Variants in STK3 observed in about 807,000 individuals in gnomAD.
The protein encoded by STK3 is serine/threonine-protein kinase 3.
In STK3, 41 loss-of-function variants were observed where a neutral mutation model predicts 58.0. That is an observed-to-expected ratio of 0.71 (90% confidence interval 0.55 to 0.92). The LOEUF is 0.92. STK3 is among the 40% of genes least tolerant of loss of function. The pLI, the probability that STK3 is intolerant of heterozygous loss-of-function variation, is 0.00. For synonymous variants in STK3, 170 were observed against 191.0 expected, an observed-to-expected ratio of 0.89 and a Z score of 0.91; for missense variants, 479 against 602.7, an observed-to-expected ratio of 0.79 and a Z score of 2.15.
At chr8:98,763,637 A>G (rs1460257953) in intron 3 of STK3, among the ~76,000 whole-genome samples, 1 of 151,854 alleles carries the variant, frequency 6.6e-6, no homozygotes, top group Admixed American at 6.6e-5. Context: ...CTAAAATCTA[A>G]GTTTCTCCCT....
chr8:98,908,911 T>C (rs1028770310), intron 1 of STK3, among the ~76,000 whole-genome samples: 2 of 148,186 alleles, frequency 1.3e-5, no homozygotes, highest in African/African-American at 5.0e-5. Flanking sequence ...ATCCCAGCAC[T>C]TTGGGAGGCC....
At chr8:98,607,284 T>A (rs1816851784) in intron 6 of STK3, among the ~76,000 whole-genome samples, 1 of 152,230 alleles carries the variant, frequency 6.6e-6, no homozygotes, top group Non-Finnish European at 1.5e-5. Context: ...TTCAGGGATC[T>A]ACCAAGTCAA....
rs746927358 is a variant in STK3 at position 98,469,252 on chromosome 8, CGG to C, written c.1318-13254_1318-13253del. Among the ~76,000 whole-genome samples, 134 of 97,380 alleles carry C rather than the reference CGG, an allele frequency of 1.4e-3. 2 individuals are homozygous for C. The highest frequency in any genetic ancestry group is 3.3e-3 in the Admixed American group (24 of 7,170). The allele number at this position is 97,380 out of a possible 152,430, so 63.9% of individuals were successfully genotyped here. On this transcript the variant is annotated intron_variant, in intron 10 of 10. Transcript: ENST00000419617. ...AATGGTCCAAAAAGGCTTTTCTTTG[CGG>C]GGGCGGGGGGGCGGTCTGAGAATGG...
Position 98,799,756 on chromosome 8 carries a change from G to A in STK3, c.27-24937C>T, listed in dbSNP as rs777932268. On this transcript the variant is annotated intron_variant, in intron 1 of 10. Transcript: ENST00000419617. ...AGGAATGGCTACTGCTACAGGAACC[G>A]GAAGAGCCAGTTTATCTACTTCATT... is the stretch of plus-strand genomic sequence containing the variant. Among the ~76,000 whole-genome samples the A allele has an allele frequency of 1.4e-4, 22 of 152,032 alleles. 1 individual carries two copies. Among genetic ancestry groups the A allele is most frequent in the Middle Eastern group, 6.8e-3 (2 of 292 alleles).
At chr8:98,569,925 G>A (rs1437374982) in intron 8 of STK3, among the ~76,000 whole-genome samples, 1 of 149,712 alleles carries the variant, frequency 6.7e-6, no homozygotes, top group Non-Finnish European at 1.5e-5. Flanking sequence ...GTGTGTGTGT[G>A]TGTGTGTGTA....
chr8:98,570,131 CAGAG>C lies in STK3; in HGVS notation c.948+9529_948+9532del, dbSNP rs891126947. 2.7e-5 allele frequency among the ~76,000 whole-genome samples: 4 copies of C among 146,868 alleles called. No homozygotes were observed. In the East Asian group the frequency reaches 5.9e-4, roughly 22 times the overall value. On this transcript the variant is annotated intron_variant, in intron 8 of 10. Coordinates refer to ENST00000419617, the MANE Select transcript of STK3 (RefSeq NM_006281.4). ...TATATATATGTTTTTTCTTTTTAGACAGAGAGAGAGAGAGATAAAGAGAGTCTCA... is the reference window on the plus strand; with the variant it reads ...TATATATATGTTTTTTCTTTTTAGACAGAGAGAGAGATAAAGAGAGTCTCA...
chr8:98,524,897 T>C (rs1428990761), intron 10 of STK3, among the ~76,000 whole-genome samples: 1 of 152,184 alleles, frequency 6.6e-6, no homozygotes, highest in African/African-American at 2.4e-5. Context: ...ACCTACAAAA[T>C]TGTGGTTTTG....
intron 1 of STK3, among the ~76,000 whole-genome samples, chr8:98,891,626 T>A (rs201476836): frequency 0.021 from 3,069 of 148,386 alleles, 34 homozygotes; most frequent in African/African-American, 0.03. Flanking sequence ...TGTGTGTGTG[T>A]GAGAGAGAGA....
chr8:98,676,129 T>A (rs910688980), intron 6 of STK3, among the ~76,000 whole-genome samples: 5 of 152,204 alleles, frequency 3.3e-5, no homozygotes, highest in Admixed American at 6.5e-5. Context: ...TATTTCTTGA[T>A]TCCACTTACA....
At chr8:98,389,479 C>G (rs1817826274), upstream of STK3, among the ~76,000 whole-genome samples, 2 of 152,244 alleles carry the variant, frequency 1.3e-5, no homozygotes, top group Non-Finnish European at 2.9e-5. Context: ...GTCACGAAAA[C>G]ACAACTCAGT....
intron 4 of STK3, among the ~76,000 whole-genome samples, chr8:98,736,833 A>G (rs890427975): frequency 6.6e-6 from 1 of 152,210 alleles, no homozygotes; most frequent in African/African-American, 2.4e-5. Context: ...CTCACTATAT[A>G]TAAATATGTA....
intron 3 of STK3, 117 bp downstream of exon 3, chr8:98,767,126 A>G (rs2131443994): frequency 7.8e-7 from 1 of 1,276,322 alleles, no homozygotes; most frequent in East Asian, 2.6e-5. Flanking sequence ...TGTCTCAAAA[A>G]AAAGAAAAGA....
intron 10 of STK3, among the ~76,000 whole-genome samples, chr8:98,522,093 C>T (rs2131458696): frequency 6.6e-6 from 1 of 152,214 alleles, no homozygotes; most frequent in East Asian, 1.9e-4. Context: ...GATAGAATGA[C>T]TACAAAATCT....
chr8:98,539,943 G>A (rs941818123), intron 9 of STK3, among the ~76,000 whole-genome samples: 6 of 152,080 alleles, frequency 3.9e-5, no homozygotes, highest in African/African-American at 1.4e-4. Context: ...TAGTAGAGAC[G>A]GGGTTTCACC....
At chr8:98,803,598 A>T (rs1564017128) in intron 1 of STK3, among the ~76,000 whole-genome samples, 1 of 138,492 alleles carries the variant, frequency 7.2e-6, no homozygotes, top group Non-Finnish European at 1.5e-5. Flanking sequence ...TGTTTCAAAA[A>T]AAAAAAAAAA....
At chr8:98,403,246 T>G (rs1448325449) in intron 3 of STK3, among the ~76,000 whole-genome samples, 1 of 152,222 alleles carries the variant, frequency 6.6e-6, no homozygotes, top group East Asian at 1.9e-4. Flanking sequence ...AACCCCAGAC[T>G]TGAGTTCTGG....
intron 4 of STK3, among the ~76,000 whole-genome samples, chr8:98,721,783 T>C (rs1827446129): frequency 6.6e-6 from 1 of 152,134 alleles, no homozygotes; most frequent in Admixed American, 6.5e-5. Context: ...GGTTACAATA[T>C]TGCTGTGAAT....
intron 1 of STK3, among the ~76,000 whole-genome samples, chr8:98,935,112 C>A (rs2132048511): frequency 6.7e-6 from 1 of 149,520 alleles, no homozygotes; most frequent in South Asian, 2.1e-4. Flanking sequence ...GCCTCCGTTG[C>A]AGCTAGATAT....
intron 10 of STK3, among the ~76,000 whole-genome samples, chr8:98,479,459 C>T (rs1400158979): frequency 8.8e-6 from 1 of 113,202 alleles, no homozygotes; most frequent in Non-Finnish European, 1.6e-5. Context: ...TGCACTCCAG[C>T]CTGGGTGACA....
Sources: allele counts gnomAD v4.1 joint callset (sites outside exome capture counted in the v4.1 genomes callset), GRCh38; gene constraint gnomAD v4.1.1; transcripts MANE v1.5; gene names NCBI Gene and HGNC (gene_info 2026-07-23, HGNC 2026-07-21).